TAOK1: variants seen among roughly 807,000 people sequenced by gnomAD.
The protein encoded by TAOK1 is serine/threonine-protein kinase TAO1.
In TAOK1, 21 loss-of-function variants were observed where a neutral mutation model predicts 138.3. The ratio of observed to expected loss-of-function variants is 0.15; its 90% CI spans 0.11 to 0.22. TAOK1 has a LOEUF of 0.22. TAOK1 is among the 10% of genes least tolerant of loss of function. The pLI is 1.00. For synonymous variants in TAOK1, 361 were observed against 398.4 expected (o/e 0.91, Z 1.12); for missense variants, 651 against 1,227.7 (o/e 0.53, Z 7.02).
intron 18 of TAOK1, among the ~76,000 whole-genome samples, chr17:29,531,750 G>A (rs1001664412): frequency 2.7e-5 from 4 of 148,894 alleles, no homozygotes; most frequent in African/African-American, 9.8e-5. Context: ...GCAACAAAAC[G>A]AGACTCCGTC....
intron 2 of TAOK1, 113 bp downstream of exon 2, chr17:29,451,793 T>G (rs1478871715): frequency 4.7e-6 from 6 of 1,270,560 alleles, no homozygotes; most frequent in Non-Finnish European, 6.4e-6. Context: ...TATAGTCACT[T>G]GCATAGGGGG....
At chr17:29,425,290 C>G (rs985270232) in intron 1 of TAOK1, among the ~76,000 whole-genome samples, 1 of 152,170 alleles carries the variant, frequency 6.6e-6, no homozygotes, top group African/African-American at 2.4e-5. Context: ...CCAGGCTGGT[C>G]TCAAACTCCT....
At chr17:29,488,003 C>A (rs1013156334) in intron 8 of TAOK1, among the ~76,000 whole-genome samples, 2 of 152,138 alleles carry the variant, frequency 1.3e-5, no homozygotes, top group African/African-American at 4.8e-5. Flanking sequence ...CTGTGATACT[C>A]CTGCCAAAGG....
intron 16 of TAOK1, 147 bp downstream of exon 16, chr17:29,517,803 T>C (rs2031844432): frequency 1.3e-6 from 1 of 797,700 alleles, no homozygotes. Flanking sequence ...ATGGATTGTT[T>C]GCTCCCTGTA....
chr17:29,534,010 A>G, intron 18 of TAOK1, 108 bp from the exon 19 acceptor site: 1 of 1,238,488 alleles, frequency 8.1e-7, no homozygotes, highest in Non-Finnish European at 1.1e-6. Flanking sequence ...GTCTAAACTA[A>G]AAAAGAGTAG....
intron 4 of TAOK1, among the ~76,000 whole-genome samples, chr17:29,477,028 G>T (rs1349490262): frequency 2.0e-5 from 3 of 151,970 alleles, no homozygotes; most frequent in Non-Finnish European, 4.4e-5. Flanking sequence ...TATATTTTTA[G>T]TATAAATGGG....
chr17:29,469,210 C>A (rs754231035), intron 3 of TAOK1, among the ~76,000 whole-genome samples: 2 of 150,018 alleles, frequency 1.3e-5, no homozygotes, highest in Admixed American at 1.3e-4. Context: ...TAGTGAGATC[C>A]CCCCTCCCCC....
intron 18 of TAOK1, among the ~76,000 whole-genome samples, chr17:29,533,025 C>CGGGCGGAGATG (rs1215918863): frequency 6.6e-5 from 8 of 120,828 alleles, no homozygotes; most frequent in Non-Finnish European, 1.1e-4. Flanking sequence ...GGGCTGACCC[C>CGGGCGGAGATG]CACCTCCCTC....
At position 29,494,731 on chromosome 17, in the gene TAOK1, C is replaced by T. The variant is rs184896745; in HGVS notation, c.832-829C>T. ...GTCCTAGCTACTTGGGAGGCTGAGGCGGGAGAATGGTGTGAACCCGGGAGG... is the reference window on the plus strand; with the variant it reads ...GTCCTAGCTACTTGGGAGGCTGAGGTGGGAGAATGGTGTGAACCCGGGAGG... On this transcript the variant is annotated intron_variant, in intron 10 of 19. Transcript: ENST00000261716. Among the ~76,000 whole-genome samples the T allele has an allele frequency of 1.7e-4, 24 of 142,584 alleles. No individual in the cohort carries two copies. The East Asian group carries it at 5.1e-3, about 30-fold the overall frequency. The allele number at this position is 142,584 out of a possible 152,430, so 93.5% of individuals were successfully genotyped here. A position where few individuals can be genotyped will look rare whatever the true frequency, so the allele number is the denominator to read the frequency against.
chr17:29,495,502 G>A (rs1461148938), intron 10 of TAOK1, 58 bp from the exon 11 acceptor site: 1 of 1,431,206 alleles, frequency 7.0e-7, no homozygotes, highest in East Asian at 2.3e-5. Flanking sequence ...GGTCTGAGAA[G>A]GAGTACCTTG....
At chr17:29,477,837 A>G (rs767837666) in intron 5 of TAOK1, 131 bp downstream of exon 5, 5 of 433,332 alleles carry the variant, frequency 1.2e-5, no homozygotes, top group Non-Finnish European at 1.9e-5. Context: ...GTCTTGTTCA[A>G]ATTCTCAGCA....
In TAOK1 at chr17:29,467,127, T is replaced by G. The variant is rs752044090; in HGVS notation, c.133-18T>G. On this transcript the variant is annotated intron_variant, in intron 2 of 19. Transcript: ENST00000261716. ...CCTGTTAATTTTTACAGTGCTTCTT[T>G]CTTTCTTTCTTCTTTAGGCACGAGA... The G allele has an allele frequency of 5.1e-6, 8 of 1,570,102 alleles. No individual in the cohort carries two copies. Among genetic ancestry groups the G allele is most frequent in the Non-Finnish European group, 6.9e-6 (8 of 1,158,214 alleles).
chr17:29,474,351 A>G (rs989692458), intron 3 of TAOK1, among the ~76,000 whole-genome samples: 13 of 150,134 alleles, frequency 8.7e-5, no homozygotes, highest in African/African-American at 2.9e-4. Flanking sequence ...CAACTTGGCT[A>G]TTTGGTGCAA....
chr17:29,462,890 T>C (rs2030563384), intron 2 of TAOK1, among the ~76,000 whole-genome samples: 1 of 152,220 alleles, frequency 6.6e-6, no homozygotes, highest in African/African-American at 2.4e-5. Flanking sequence ...CTACAACTTA[T>C]TTTGTTTTTG....
intron 1 of TAOK1, among the ~76,000 whole-genome samples, chr17:29,442,757 A>G (rs866842467): frequency 6.6e-6 from 1 of 152,146 alleles, no homozygotes; most frequent in African/African-American, 2.4e-5. Flanking sequence ...CTGCTTAGCA[A>G]TAAAAATGCT....
intron 16 of TAOK1, among the ~76,000 whole-genome samples, chr17:29,521,199 A>T (rs950086504): frequency 6.6e-6 from 1 of 152,242 alleles, no homozygotes; most frequent in African/African-American, 2.4e-5. Context: ...TGAGAAGCAC[A>T]TGCACCAAAC....
At chr17:29,426,689 G>T (rs1310392322) in intron 1 of TAOK1, among the ~76,000 whole-genome samples, 1 of 152,176 alleles carries the variant, frequency 6.6e-6, no homozygotes, top group South Asian at 2.1e-4. Context: ...TTCTTCAAAG[G>T]TTCAGTAGCT....
chr17:29,422,505 A>C (rs1905484492), intron 1 of TAOK1, among the ~76,000 whole-genome samples: 1 of 152,134 alleles, frequency 6.6e-6, no homozygotes, highest in South Asian at 2.1e-4. Context: ...GGCGTGAGCC[A>C]CTGCTCCCGG....
At chr17:29,522,136 G>C in intron 16 of TAOK1, 144 bp from the exon 17 acceptor site, 4 of 1,078,266 alleles carry the variant, frequency 3.7e-6, no homozygotes, top group Non-Finnish European at 5.2e-6. Context: ...AGAGGTAAAA[G>C]TCACAACCCT....
Sources: allele counts gnomAD v4.1 joint callset (sites outside exome capture counted in the v4.1 genomes callset), GRCh38; gene constraint gnomAD v4.1.1; transcripts MANE v1.5; gene names NCBI Gene and HGNC (gene_info 2026-07-23, HGNC 2026-07-21).